The following PLCB1 variants were observed in gnomAD, a reference collection of about 807,000 sequenced individuals.
The protein encoded by PLCB1 is 1-phosphatidylinositol 4,5-bisphosphate phosphodiesterase beta-1.
PLCB1 carries 46 observed loss-of-function variants against 161.8 expected under a neutral mutation model. The observed-to-expected ratio is 0.28, with a 90% CI of 0.22 to 0.36. The LOEUF is 0.36. Among genes scored for constraint, PLCB1 ranks in the 10% least tolerant of loss-of-function variants. The pLI is 1.00. For synonymous variants in PLCB1, 517 were observed against 503.7 expected, an observed-to-expected ratio of 1.03 and a Z score of -0.35; for missense variants, 1,016 against 1,472.5, an observed-to-expected ratio of 0.69 and a Z score of 5.07.
rs867975839 is a variant in PLCB1, at chr20:8,395,109, G to C, written c.246+23659G>C. ...AATTACATTTTCCTTGATTCTTATA[G>C]TACCTTAGTATAAATAAATTTAGTA... is the stretch of plus-strand genomic sequence containing the variant. On this transcript the variant is annotated intron_variant, in intron 3 of 31. Transcript: ENST00000338037. Among the ~76,000 whole-genome samples the C allele has an allele frequency of 1.3e-4, 20 of 152,024 alleles. 1 individual carries two copies. Among genetic ancestry groups the C allele is most frequent in the Admixed American group, 8.5e-4 (13 of 15,260 alleles).
chr20:8,503,164 C>T (rs1211978288), intron 3 of PLCB1, among the ~76,000 whole-genome samples: 1 of 152,114 alleles, frequency 6.6e-6, no homozygotes, highest in Non-Finnish European at 1.5e-5. Context: ...ACAAAGGCCA[C>T]CAGTAGGAGT....
intron 3 of PLCB1, among the ~76,000 whole-genome samples, chr20:8,424,099 G>C (rs369797725): frequency 6.6e-6 from 1 of 152,066 alleles, no homozygotes; most frequent in Admixed American, 6.5e-5. Context: ...GCCTTGGTAG[G>C]CCTACAGGTT....
chr20:8,711,432 T>C (rs1000908549), intron 12 of PLCB1, among the ~76,000 whole-genome samples: 1 of 152,210 alleles, frequency 6.6e-6, no homozygotes, highest in Non-Finnish European at 1.5e-5. Flanking sequence ...CTAGTGCCAT[T>C]GTACTGCCCT....
intron 4 of PLCB1, among the ~76,000 whole-genome samples, chr20:8,640,739 TGCTAAGAATACACCTGAGACTCCCA>T (rs1988926054): frequency 6.6e-6 from 1 of 152,188 alleles, no homozygotes; most frequent in Non-Finnish European, 1.5e-5. Flanking sequence ...CCCCAGTGGA[TGCTAAGAATACACCTGAGACTCCCA>T]GTGATACAGC....
chr20:8,320,847 G>A (rs1984882979), intron 2 of PLCB1, among the ~76,000 whole-genome samples: 1 of 132,996 alleles, frequency 7.5e-6, no homozygotes. Flanking sequence ...GGGAGGGAGG[G>A]AGGGAAAGAG....
chr20:8,440,759 A>C (rs904134360), intron 3 of PLCB1, among the ~76,000 whole-genome samples: 1 of 152,146 alleles, frequency 6.6e-6, no homozygotes, highest in African/African-American at 2.4e-5. Context: ...GTTAACAATC[A>C]TATGGTATAT....
intron 9 of PLCB1, among the ~76,000 whole-genome samples, chr20:8,675,149 C>T (rs542879143): frequency 7.0e-4 from 107 of 152,178 alleles, no homozygotes; most frequent in Admixed American, 2.7e-3. Context: ...GGACAAGTCA[C>T]CAGCACTCAG....
chr20:8,706,694 A>G (rs1434143764), intron 11 of PLCB1, among the ~76,000 whole-genome samples: 1 of 152,138 alleles, frequency 6.6e-6, no homozygotes, highest in African/African-American at 2.4e-5. Context: ...AGTTACTGCA[A>G]TGGTTGGGTA....
At chr20:8,133,128 CT>C (rs1256732015) in intron 1 of PLCB1, among the ~76,000 whole-genome samples, 3 of 152,162 alleles carry the variant, frequency 2.0e-5, no homozygotes, top group Non-Finnish European at 4.4e-5. Flanking sequence ...TCGCGTCCCT[CT>C]CCGCCTGCGG....
chr20:8,812,386 A>G (rs1305445733), intron 31 of PLCB1, among the ~76,000 whole-genome samples: 1 of 151,490 alleles, frequency 6.6e-6, no homozygotes, highest in African/African-American at 2.4e-5. Flanking sequence ...TGTCCTGGTG[A>G]TGGGAAATGG....
At position 8,883,727 on chromosome 20, in the gene PLCB1, G is replaced by GA. The variant is rs1354816148; in HGVS notation, c.*1882dup. The GA allele has an allele frequency of 2.0e-5, 3 of 152,424 alleles. No individual in the cohort carries two copies. The highest frequency in any genetic ancestry group is 7.2e-5 in the African/African-American group (3 of 41,474). The allele number at this position is 152,424 out of a possible 1,614,324, so 9.4% of individuals were successfully genotyped here. A position where few individuals can be genotyped will look rare whatever the true frequency, so the allele number is the denominator to read the frequency against. On this transcript the variant is annotated 3_prime_UTR_variant, in exon 32 of 32. Transcript: ENST00000338037. ...AAACACATCTAGTAAGACGTAAGGG[G>GA]AAAATCACATCCTCTTTGGAGATGA...
intron 3 of PLCB1, among the ~76,000 whole-genome samples, chr20:8,374,310 C>T (rs180750476): frequency 4.3e-4 from 65 of 152,286 alleles, no homozygotes; most frequent in Middle Eastern, 3.4e-3. Flanking sequence ...CCTGCCTCCC[C>T]GTCGTCTTCC....
At chr20:8,859,732 T>G (rs1247624356) in intron 31 of PLCB1, among the ~76,000 whole-genome samples, 1 of 152,138 alleles carries the variant, frequency 6.6e-6, no homozygotes, top group Non-Finnish European at 1.5e-5. Flanking sequence ...TTGGGGTCTA[T>G]TGGAGCAAGT....
At chr20:8,594,388 A>C (rs1435514707) in intron 3 of PLCB1, among the ~76,000 whole-genome samples, 1 of 152,142 alleles carries the variant, frequency 6.6e-6, no homozygotes, top group East Asian at 1.9e-4. Context: ...GCTACAATAC[A>C]TTGCCTTCAA....
At chr20:8,755,798 G>A (rs1463146269) in intron 23 of PLCB1, among the ~76,000 whole-genome samples, 1 of 152,144 alleles carries the variant, frequency 6.6e-6, no homozygotes, top group African/African-American at 2.4e-5. Flanking sequence ...AGTCAGGGAG[G>A]GAAGGAAGAC....
intron 3 of PLCB1, among the ~76,000 whole-genome samples, chr20:8,476,799 C>CT (rs1469328610): frequency 1.3e-5 from 2 of 151,990 alleles, no homozygotes; most frequent in Non-Finnish European, 2.9e-5. Context: ...ATTAGGATGG[C>CT]TTTTTTGTGT....
chr20:8,247,936 G>A (rs1212440056), intron 2 of PLCB1, among the ~76,000 whole-genome samples: 1 of 151,904 alleles, frequency 6.6e-6, no homozygotes, highest in Non-Finnish European at 1.5e-5. Context: ...AGGAGTAAGT[G>A]CTGTATAAAA....
intron 3 of PLCB1, among the ~76,000 whole-genome samples, chr20:8,571,639 G>T (rs1055280386): frequency 2.6e-5 from 4 of 152,086 alleles, no homozygotes; most frequent in Admixed American, 2.6e-4. Context: ...GGAATGGAAG[G>T]CCTGATGTAT....
At chr20:8,441,824 C>A (rs1490059232) in intron 3 of PLCB1, among the ~76,000 whole-genome samples, 1 of 152,058 alleles carries the variant, frequency 6.6e-6, no homozygotes, top group Non-Finnish European at 1.5e-5. Context: ...AATTTTAAAT[C>A]CTTTTAAATA....
Sources: allele counts gnomAD v4.1 joint callset (sites outside exome capture counted in the v4.1 genomes callset), GRCh38; gene constraint gnomAD v4.1.1; transcripts MANE v1.5; gene names NCBI Gene and HGNC (gene_info 2026-07-23, HGNC 2026-07-21).